The following GPR37L1 variants were observed in gnomAD, a reference collection of about 807,000 sequenced individuals.
GPR37L1 encodes G protein-coupled receptor 37 like 1.
GPR37L1 carries 18 observed loss-of-function variants against 18.0 expected under a neutral mutation model. The ratio of observed to expected loss-of-function variants is 1.00; its 90% CI spans 0.69 to 1.49. The LOEUF (loss-of-function observed/expected upper bound fraction) is 1.49, where lower values mean the gene tolerates loss of function less well. Among genes scored for constraint, GPR37L1 ranks in the 40% most tolerant of loss-of-function variants. GPR37L1 has a pLI of 0.00. For synonymous variants in GPR37L1, 256 were observed against 273.9 expected, an observed-to-expected ratio of 0.93 and a Z score of 0.65; for missense variants, 558 against 615.1, an observed-to-expected ratio of 0.91 and a Z score of 0.98.
rs768424757 is a variant in GPR37L1, at chr1:202,128,102, T to C, written c.992T>C (p.Val331Ala). Residue 331 changes from valine to alanine, a missense_variant, in exon 2 of 2, where the codon GTG becomes GCG. Val to Ala is a moderately conservative substitution (Grantham distance 64, BLOSUM62 0). Transcript: ENST00000367282. ...CTCTTCACAGTCACCTGCCAGCTGG[T>C]GACATGGCGGGTGCGAGGCCCTCCA... ...PILFTVTCQLVTWRVRGPPGR... is the reference protein window; with the variant it reads ...PILFTVTCQLATWRVRGPPGR... The C allele has an allele frequency of 6.2e-7, 1 of 1,613,964 alleles. No homozygotes were observed. The highest frequency in any genetic ancestry group is 2.2e-5 in the East Asian group (1 of 44,866).
In GPR37L1 at chr1:202,128,493, T is replaced by G. The variant is rs1654741766; in HGVS notation, c.1383T>G (p.Ser461=). Residue 461 remains serine (S), a synonymous_variant, in exon 2 of 2, where the codon TCT becomes TCG. Transcript: ENST00000367282. ...ACAAGCTCAAGACCGAGGTGTCCTC[T>G]TCCATCTACTTCCACAAGCCCAGGG... is the stretch of plus-strand genomic sequence containing the variant. ...SDNKLKTEVS[S]SIYFHKPRES... 20 of 1,606,400 alleles carry G rather than the reference T, an allele frequency of 1.2e-5. No individual in the cohort carries two copies. Among genetic ancestry groups the G allele is most frequent in the Non-Finnish European group, 1.7e-5 (20 of 1,175,704 alleles).
In GPR37L1 at chr1:202,128,488, T is replaced by C. The variant is rs1410022765; in HGVS notation, c.1378T>C (p.Ser460Pro). The C allele has an allele frequency of 1.2e-6, 2 of 1,607,976 alleles. No individual in the cohort carries two copies. Among genetic ancestry groups the C allele is most frequent in the East Asian group, 2.2e-5 (1 of 44,690 alleles). The change falls in exon 2 of 2, where the codon TCC becomes CCC. Residue 460 changes from serine to proline, a missense_variant. By Grantham distance (74) the Ser-to-Pro change is moderately conservative (BLOSUM62 -1). Transcript: ENST00000367282. Reference protein sequence around the residue: ...GSDNKLKTEVSSSIYFHKPRE... With the variant: ...GSDNKLKTEVPSSIYFHKPRE... ...GGACAACAAGCTCAAGACCGAGGTGTCCTCTTCCATCTACTTCCACAAGCC... is the reference window on the plus strand; with the variant it reads ...GGACAACAAGCTCAAGACCGAGGTGCCCTCTTCCATCTACTTCCACAAGCC...
chr1:202,125,883 G>A (rs893586476), intron 1 of GPR37L1, among the ~76,000 whole-genome samples: 21 of 152,186 alleles, frequency 1.4e-4, no homozygotes, highest in Non-Finnish European at 1.2e-4. Context: ...TACCACGCCC[G>A]GCTAATTTTT....
At chr1:202,126,172 G>T (rs1008172070) in intron 1 of GPR37L1, among the ~76,000 whole-genome samples, 1 of 152,176 alleles carries the variant, frequency 6.6e-6, no homozygotes, top group Non-Finnish European at 1.5e-5. Context: ...CACTTTGGGA[G>T]GCCGAGGTGG....
chr1:202,128,602 C>T lies in GPR37L1; in HGVS notation c.*46C>T, dbSNP rs1344564574. The stretch of plus-strand genomic sequence containing the variant: ...GGGAGGGAGAGGCCGCCACCCCCGC[C>T]GGTGTCTGCTGTTCTTTCCCCATAG... On this transcript the variant is annotated 3_prime_UTR_variant, in exon 2 of 2. Coordinates refer to ENST00000367282, the MANE Select transcript of GPR37L1 (RefSeq NM_004767.5). The T allele has an allele frequency of 6.2e-6, 7 of 1,136,996 alleles. No homozygotes were observed. The highest frequency in any genetic ancestry group is 7.5e-6 in the Non-Finnish European group (6 of 796,776). 70.4% of individuals were successfully genotyped at this position (1,136,996 alleles called of 1,614,324 possible).
rs377535954 is a variant in GPR37L1, at chr1:202,128,370, C to T, written c.1260C>T (p.Cys420=). 3.1e-6 allele frequency: 5 copies of T among 1,614,222 alleles called. No individual in the cohort carries two copies. The highest frequency in any genetic ancestry group is 4.2e-6 in the Non-Finnish European group (5 of 1,180,036). Residue 420 remains cysteine (C), a synonymous_variant, in exon 2 of 2, where the codon TGC becomes TGT. Transcript: ENST00000367282. Reference sequence around the variant, plus strand: ...CCCCAGTGCTGCTCCTTTGCATCTGCAGGCCGCTGGGCCAGGCCTTCCTGG... The same window carrying T: ...CCCCAGTGCTGCTCCTTTGCATCTGTAGGCCGCTGGGCCAGGCCTTCCTGG... ...AITPVLLLCI[C]RPLGQAFLDC...
intron 1 of GPR37L1, among the ~76,000 whole-genome samples, chr1:202,126,593 G>A (rs1654665107): frequency 6.6e-6 from 1 of 152,114 alleles, no homozygotes; most frequent in African/African-American, 2.4e-5. Context: ...AGGGGGATCT[G>A]AGCACAATCC....
At position 202,128,302 on chromosome 1, in the gene GPR37L1, G is replaced by A. The variant is rs752647896; in HGVS notation, c.1192G>A (p.Gly398Ser). 1 of 1,614,066 alleles carries A rather than the reference G, an allele frequency of 6.2e-7. No homozygotes were observed. Among genetic ancestry groups the A allele is most frequent in the Non-Finnish European group, 8.5e-7 (1 of 1,180,020 alleles). The change falls in exon 2 of 2, where the codon GGC becomes AGC. Residue 398 changes from glycine to serine, a missense_variant. Gly to Ser is a moderately conservative substitution (Grantham distance 56). Coordinates refer to ENST00000367282, the MANE Select transcript of GPR37L1 (RefSeq NM_004767.5). Reference sequence around the variant, plus strand: ...GACCCGCCAGACCCTGGACCTCCTGGGCCTCATCAACCAGTTCTCCACCTT... The same window carrying A: ...GACCCGCCAGACCCTGGACCTCCTGAGCCTCATCAACCAGTTCTCCACCTT... ...ELTRQTLDLL[G>S]LINQFSTFFK...
rs1286962679 is a variant in GPR37L1 at position 202,123,497 on chromosome 1, G to T, written c.534G>T (p.Leu178=). ...CCAGCCTGGCCCTCTGGGATTTTCTGGTCCTCTTTTTCTGCCTCCCTATTG... is the reference window on the plus strand; with the variant it reads ...CCAGCCTGGCCCTCTGGGATTTTCTTGTCCTCTTTTTCTGCCTCCCTATTG... The part of the protein sequence containing the change: ...ILASLALWDF[L]VLFFCLPIVI... The change falls in exon 1 of 2, where the codon CTG becomes CTT. Residue 178 remains leucine, a synonymous_variant. Transcript: ENST00000367282. 6.2e-7 allele frequency: 1 copy of T among 1,613,924 alleles called. No homozygotes were observed. The highest frequency in any genetic ancestry group is 1.3e-5 in the African/African-American group (1 of 74,988).
intron 1 of GPR37L1, among the ~76,000 whole-genome samples, chr1:202,124,709 G>A (rs574689559): frequency 3.8e-4 from 58 of 152,126 alleles, no homozygotes; most frequent in Non-Finnish European, 6.5e-4. Context: ...TCAGCATTAC[G>A]GACACAGGTC....
In GPR37L1 at chr1:202,128,512, C is replaced by A. The variant is rs1462694660; in HGVS notation, c.1402C>A (p.Pro468Thr). Residue 468 changes from proline to threonine, a missense_variant, in exon 2 of 2, where the codon CCC becomes ACC. Transcript: ENST00000367282. ...EVSSSIYFHK[P>T]RESPPLLPLG... ...GTCCTCTTCCATCTACTTCCACAAG[C>A]CCAGGGAGTCACCCCCACTCCTGCC... 1.9e-6 allele frequency: 3 copies of A among 1,596,270 alleles called. No individual in the cohort carries two copies. The highest frequency in any genetic ancestry group is 1.3e-5 in the African/African-American group (1 of 74,824).
intron 1 of GPR37L1, among the ~76,000 whole-genome samples, chr1:202,125,236 A>G (rs1033941840): frequency 1.3e-5 from 2 of 151,368 alleles, no homozygotes; most frequent in Non-Finnish European, 2.9e-5. Context: ...CTCACGACCC[A>G]GGTGAGCTGT....
rs760169453 is a variant in GPR37L1 at position 202,122,975 on chromosome 1, G to C, written c.12G>C (p.Leu4=). The C allele has an allele frequency of 1.9e-6, 3 of 1,612,824 alleles. No individual in the cohort carries two copies. In the South Asian group the frequency reaches 3.3e-5, roughly 18 times the overall value. The change falls in exon 1 of 2, where the codon CTG becomes CTC. Residue 4 remains leucine, a synonymous_variant. Transcript: ENST00000367282. MRW[L]WPLAVSLAVI... ...CTGCTCATCCAGCCATGCGGTGGCT[G>C]TGGCCCCTGGCTGTCTCTCTTGCTG...
chr1:202,128,250 C>G lies in GPR37L1; in HGVS notation c.1140C>G (p.Ile380Met). ...FCTLPENVCN[I>M]VVAYLSTELT... ...CCCTCCCAGAGAACGTCTGCAACAT[C>G]GTGGTGGCCTACCTCTCCACCGAGC... The change falls in exon 2 of 2, where the codon ATC becomes ATG. Residue 380 changes from isoleucine to methionine, a missense_variant. Physicochemically the swap from Ile to Met is conservative, Grantham distance 10 (BLOSUM62 1). Transcript: ENST00000367282. 1 of 1,614,000 alleles carries G rather than the reference C, an allele frequency of 6.2e-7. No homozygotes were observed. Among genetic ancestry groups the G allele is most frequent in the Non-Finnish European group, 8.5e-7 (1 of 1,180,008 alleles).
rs1654567336 is a variant in GPR37L1 at position 202,123,535 on chromosome 1, A to T, written c.572A>T (p.Glu191Val). ...FFCLPIVIFNEITKQRLLGDV... is the reference protein window; with the variant it reads ...FFCLPIVIFNVITKQRLLGDV... ...TGCCTCCCTATTGTCATCTTCAACG[A>T]GATCACCAAGCAGAGGCTACTGGGT... Residue 191 changes from glutamate (E) to valine (V), a missense_variant, in exon 1 of 2, where the codon GAG (glutamate) becomes GTG (valine). By Grantham distance (121) the Glu-to-Val change is moderately radical. Transcript: ENST00000367282. 1.9e-6 allele frequency: 3 copies of T among 1,611,800 alleles called. No individual in the cohort carries two copies. The East Asian group carries it at 6.7e-5, about 36-fold the overall frequency.
chr1:202,128,004 G>A lies in GPR37L1; in HGVS notation c.894G>A (p.Leu298=). 1 of 1,614,144 alleles carries A rather than the reference G, an allele frequency of 6.2e-7. No homozygotes were observed. The highest frequency in any genetic ancestry group is 1.1e-5 in the South Asian group (1 of 91,080). The change falls in exon 2 of 2, where the codon CTG becomes CTA. Residue 298 remains leucine (L), a synonymous_variant. Transcript: ENST00000367282. ...MKPSASLPES[L]YSLVMTYQNA... is the part of the protein sequence containing the mutation. ...CCTCAGCCAGCCTGCCCGAGTCCCTGTATTCACTGGTGATGACCTACCAGA... is the reference window on the plus strand; with the variant it reads ...CCTCAGCCAGCCTGCCCGAGTCCCTATATTCACTGGTGATGACCTACCAGA...
At chr1:202,125,153 C>CAAAAA (rs10593843) in intron 1 of GPR37L1, among the ~76,000 whole-genome samples, 1 of 77,882 alleles carries the variant, frequency 1.3e-5, no homozygotes, top group African/African-American at 4.8e-5. Context: ...AATTCTGTCT[C>CAAAAA]AAAAAAAAAA....
At chr1:202,126,444 G>A (rs1012025778) in intron 1 of GPR37L1, among the ~76,000 whole-genome samples, 2 of 151,866 alleles carry the variant, frequency 1.3e-5, no homozygotes, top group African/African-American at 4.8e-5. Flanking sequence ...TTCTACCCAA[G>A]CCTGAAGCCT....
chr1:202,124,008 T>G (rs948329998), intron 1 of GPR37L1, among the ~76,000 whole-genome samples: 2 of 152,234 alleles, frequency 1.3e-5, no homozygotes, highest in African/African-American at 4.8e-5. Context: ...GCTGCCCTGC[T>G]CCCACAGCTT....
Sources: gnomAD v4.1 joint callset for allele counts (sites outside exome capture counted in the v4.1 genomes callset) on GRCh38, gnomAD v4.1.1 for gene constraint, MANE v1.5 for transcripts, NCBI Gene and HGNC (gene_info 2026-07-23, HGNC 2026-07-21) for gene names.